MAP3K20: variants seen among roughly 807,000 people sequenced by gnomAD.
The protein encoded by MAP3K20 is HCCS-4.
Under a neutral mutation model 85.7 loss-of-function variants are expected in MAP3K20, and 40 were observed. That is an observed-to-expected ratio of 0.47 (90% CI 0.36 to 0.61). MAP3K20 has a LOEUF of 0.61. Among genes scored for constraint, MAP3K20 ranks in the 20% least tolerant of loss-of-function variants. The pLI, the probability that MAP3K20 is intolerant of heterozygous loss-of-function variation, is 0.00. For synonymous variants in MAP3K20, 325 were observed against 327.7 expected (o/e 0.99, Z 0.09); for missense variants, 817 against 961.7 (o/e 0.85, Z 1.99).
chr2:173,221,417 G>T (rs555937679), intron 11 of MAP3K20: 1 of 1,614,020 alleles, frequency 6.2e-7, no homozygotes, highest in African/African-American at 1.3e-5. Context: ...TAAGAGAAGG[G>T]GGAAGAAAGT....
At chr2:173,089,450 C>T (rs1212808369) in intron 1 of MAP3K20, among the ~76,000 whole-genome samples, 5 of 152,090 alleles carry the variant, frequency 3.3e-5, no homozygotes, top group South Asian at 2.1e-4. Context: ...GCAAAAATAC[C>T]ATTATTTGCC....
At chr2:173,187,408 A>T in intron 4 of MAP3K20, 150 bp from the exon 5 acceptor site, 1 of 604,084 alleles carries the variant, frequency 1.7e-6, no homozygotes, top group Non-Finnish European at 2.8e-6. Context: ...TTACTAATGT[A>T]GACATATTCT....
intron 2 of MAP3K20, among the ~76,000 whole-genome samples, chr2:173,092,941 A>T (rs957255777): frequency 6.6e-6 from 1 of 152,192 alleles, no homozygotes; most frequent in Non-Finnish European, 1.5e-5. Context: ...GGTAATTCAG[A>T]AATTGAGTTG....
chr2:173,221,848 T>G (rs899599142), intron 11 of MAP3K20: 1 of 1,027,204 alleles, frequency 9.7e-7, no homozygotes, highest in Non-Finnish European at 1.2e-6. Context: ...ATGAATACTT[T>G]TTAGTTTGTA....
rs199656941 is a variant in MAP3K20, at chr2:173,091,011, A to G, written c.-21A>G. ...TTCTTTCTGCAGATTTTGTGGAAGT[A>G]TAATACTTTGTCATTATGAGATGTC... is the stretch of plus-strand genomic sequence containing the variant. On this transcript the variant is annotated 5_prime_UTR_variant, in exon 2 of 20. Transcript: ENST00000375213. The G allele has an allele frequency of 1.8e-4, 295 of 1,600,020 alleles. No individual in the cohort carries two copies. In the East Asian group the frequency reaches 6.0e-3, roughly 33 times the overall value.
At chr2:173,101,308 A>G (rs1413839193) in intron 2 of MAP3K20, among the ~76,000 whole-genome samples, 1 of 152,216 alleles carries the variant, frequency 6.6e-6, no homozygotes, top group Non-Finnish European at 1.5e-5. Context: ...AGTCTTTAAA[A>G]TTTTTAAAAA....
intron 2 of MAP3K20, among the ~76,000 whole-genome samples, chr2:173,137,229 A>G (rs1688822464): frequency 6.6e-6 from 1 of 152,224 alleles, no homozygotes; most frequent in South Asian, 2.1e-4. Flanking sequence ...CTTAAAATTT[A>G]TATATGCAAA....
At chr2:173,110,321 A>G (rs1441816980) in intron 2 of MAP3K20, among the ~76,000 whole-genome samples, 1 of 126,310 alleles carries the variant, frequency 7.9e-6, no homozygotes, top group African/African-American at 3.1e-5. Flanking sequence ...TGGTGTGATC[A>G]TGGCTCACTG....
In MAP3K20 at chr2:173,075,905, G is replaced by C. The variant is rs1408614727; in HGVS notation, c.-132G>C. On this transcript the variant is annotated 5_prime_UTR_variant, in exon 1 of 20. Transcript: ENST00000375213. ...ACTCCTAACTGCAGCGGAAACGTGG[G>C]AGCCGCGCGGGCCGCTGTCGTCCCA... 1.0e-6 allele frequency: 1 copy of C among 985,168 alleles called. No individual in the cohort carries two copies. Among genetic ancestry groups the C allele is most frequent in the East Asian group, 1.1e-4 (1 of 8,774 alleles). 61.0% of individuals were successfully genotyped at this position (985,168 alleles called of 1,614,324 possible).
intron 16 of MAP3K20, among the ~76,000 whole-genome samples, chr2:173,249,432 G>C (rs1253173973): frequency 6.6e-6 from 1 of 152,186 alleles, no homozygotes; most frequent in Admixed American, 6.5e-5. Context: ...TGGACATTAG[G>C]ATTTGAATCG....
At chr2:173,226,728 T>C (rs1268512875) in intron 11 of MAP3K20, 2 of 985,702 alleles carry the variant, frequency 2.0e-6, no homozygotes, top group East Asian at 1.1e-4. Context: ...TGCAGAATAG[T>C]ATATCTTTTA....
chr2:173,112,772 A>G (rs915955550), intron 2 of MAP3K20, among the ~76,000 whole-genome samples: 2 of 151,948 alleles, frequency 1.3e-5, no homozygotes, highest in African/African-American at 4.8e-5. Flanking sequence ...AATCCACTTG[A>G]TCATGGTAGA....
In MAP3K20 at chr2:173,239,454, A is replaced by G; in HGVS notation, c.1317A>G (p.Glu439=). 6.2e-7 allele frequency: 1 copy of G among 1,613,756 alleles called. No homozygotes were observed. Residue 439 remains glutamate (E), a synonymous_variant, in exon 16 of 20, where the codon GAA becomes GAG. Coordinates refer to ENST00000375213, the MANE Select transcript of MAP3K20 (RefSeq NM_016653.3). ...EENEEKIVNL[E]LVFGFHLKPG... ...ATGAGGAAAAAATAGTGAACCTGGA[A>G]CTGGTTTTTGGTTTTCACTTGAAAC...
rs774542374 is a variant in MAP3K20 at position 173,112,543 on chromosome 2, T to C, written c.159+21353T>C. ...CATTCAAAATTATGTTGGCTGTGGTTTTGTCATAGATGGCTTTTTATTACA... is the reference window on the plus strand; with the variant it reads ...CATTCAAAATTATGTTGGCTGTGGTCTTGTCATAGATGGCTTTTTATTACA... On this transcript the variant is annotated intron_variant, in intron 2 of 19. Coordinates refer to ENST00000375213, the MANE Select transcript of MAP3K20 (RefSeq NM_016653.3). 2.8e-4 allele frequency among the ~76,000 whole-genome samples: 42 copies of C among 152,224 alleles called. 1 individual carries two copies. Among genetic ancestry groups the C allele is most frequent in the Non-Finnish European group, 5.9e-5 (4 of 68,028 alleles).
intron 2 of MAP3K20, among the ~76,000 whole-genome samples, chr2:173,107,245 C>G (rs990379496): frequency 3.3e-5 from 5 of 152,116 alleles, no homozygotes; most frequent in African/African-American, 1.2e-4. Context: ...CTCTGCAGAG[C>G]AAGGGCCAAG....
intron 2 of MAP3K20, among the ~76,000 whole-genome samples, chr2:173,114,843 T>G (rs889535049): frequency 3.3e-5 from 5 of 152,238 alleles, no homozygotes; most frequent in Admixed American, 1.3e-4. Flanking sequence ...TAAGATTCTT[T>G]CCTTCGTCTT....
chr2:173,128,312 C>CT (rs140643835), intron 2 of MAP3K20, among the ~76,000 whole-genome samples: 1 of 145,828 alleles, frequency 6.9e-6, no homozygotes, highest in African/African-American at 2.6e-5. Context: ...TTATAGTTGA[C>CT]TTATTTATTT....
At chr2:173,230,995 C>CA (rs201159431) in intron 12 of MAP3K20, among the ~76,000 whole-genome samples, 1,752 of 151,118 alleles carry the variant, frequency 0.012, 20 homozygotes, top group Middle Eastern at 0.027. Flanking sequence ...GGCTTCATCT[C>CA]AAAAAAAAAA....
rs540071624 is a variant in MAP3K20, at chr2:173,079,422, C to T, written c.-35+3420C>T. Among the ~76,000 whole-genome samples the T allele has an allele frequency of 2.0e-5, 3 of 152,222 alleles. No individual in the cohort carries two copies. The South Asian group carries it at 6.2e-4, about 32-fold the overall frequency. ...GGACATCACTGTACACTACTGTAGA[C>T]TTTATAAACACTGTACACTTAGGCT... On this transcript the variant is annotated intron_variant, in intron 1 of 19. Coordinates refer to ENST00000375213, the MANE Select transcript of MAP3K20 (RefSeq NM_016653.3).
Sources: allele counts gnomAD v4.1 joint callset (sites outside exome capture counted in the v4.1 genomes callset), GRCh38; gene constraint gnomAD v4.1.1; transcripts MANE v1.5; gene names NCBI Gene and HGNC (gene_info 2026-07-23, HGNC 2026-07-21).